PLPP1: variants seen among roughly 807,000 people sequenced by gnomAD.
The protein encoded by PLPP1 is phospholipid phosphatase 1, also known as lipid phosphate phosphohydrolase 1a.
PLPP1 carries 24 observed loss-of-function variants against 31.2 expected under a neutral mutation model. The observed-to-expected ratio is 0.77, with a 90% CI of 0.56 to 1.08. The LOEUF (loss-of-function observed/expected upper bound fraction) is 1.08. PLPP1 is among the 50% of genes least tolerant of loss of function. The pLI is 0.00. For missense variants in PLPP1, 319 were observed against 342.7 expected (o/e 0.93, Z 0.55); for synonymous variants, 146 against 126.3 (o/e 1.16, Z -1.05).
rs907646702 is a variant in PLPP1 at position 55,425,974 on chromosome 5, A to T, written c.615T>A (p.Gly205=). The T allele has an allele frequency of 6.2e-6, 10 of 1,613,874 alleles. No individual in the cohort carries two copies. The highest frequency in any genetic ancestry group is 5.0e-5 in the Admixed American group (3 of 59,966). The change falls in exon 5 of 6, where the codon GGT becomes GGA. Residue 205 remains glycine, a synonymous_variant. Transcript: ENST00000307259. The stretch of plus-strand genomic sequence containing the variant: ...CCACATAAATGGATACGGCAACAAG[A>T]CCAAATTGCAGTGTGGGGCGTAAGA... ...ARLLRPTLQF[G]LVAVSIYVGL...
At chr5:55,427,007 ATGTC>A (rs1435360804) in intron 4 of PLPP1, among the ~76,000 whole-genome samples, 1 of 151,984 alleles carries the variant, frequency 6.6e-6, no homozygotes, top group Non-Finnish European at 1.5e-5. Flanking sequence ...CCCCTTTCTC[ATGTC>A]AGTCTGCCTT....
intron 1 of PLPP1, among the ~76,000 whole-genome samples, chr5:55,513,855 G>A: frequency 6.6e-6 from 1 of 151,996 alleles, no homozygotes; most frequent in East Asian, 1.9e-4. Flanking sequence ...AAACATAGGA[G>A]GTCAAGGCTA....
At chr5:55,487,174 G>C (rs1252000343) in intron 1 of PLPP1, among the ~76,000 whole-genome samples, 2 of 152,062 alleles carry the variant, frequency 1.3e-5, no homozygotes, top group Admixed American at 1.3e-4. Context: ...TTTCTATCCT[G>C]AAACTACAAA....
intron 1 of PLPP1, among the ~76,000 whole-genome samples, chr5:55,492,308 G>A (rs1173040842): frequency 6.6e-6 from 1 of 152,112 alleles, no homozygotes; most frequent in African/African-American, 2.4e-5. Context: ...CAAATCCCAA[G>A]GTAGATTTTT....
intron 1 of PLPP1, among the ~76,000 whole-genome samples, chr5:55,498,752 G>A (rs1561247740): frequency 6.6e-6 from 1 of 150,668 alleles, no homozygotes; most frequent in Non-Finnish European, 1.5e-5. Flanking sequence ...CGCTAGGGAA[G>A]CACTTACAAT....
chr5:55,450,055 ATATACTCCTTGAAT>A (rs1316214847), intron 3 of PLPP1, among the ~76,000 whole-genome samples: 1 of 152,198 alleles, frequency 6.6e-6, no homozygotes, highest in Non-Finnish European at 1.5e-5. Flanking sequence ...AAATCCTGTC[ATATACTCCTTGAAT>A]TATTTTTACA....
chr5:55,444,831 C>T (rs144593152), intron 3 of PLPP1, among the ~76,000 whole-genome samples: 1 of 150,278 alleles, frequency 6.7e-6, no homozygotes, highest in Non-Finnish European at 1.5e-5. Context: ...CTCACTGCCA[C>T]CTCTGCCTCC....
At chr5:55,430,304 T>C (rs1751317115) in intron 4 of PLPP1, among the ~76,000 whole-genome samples, 1 of 152,140 alleles carries the variant, frequency 6.6e-6, no homozygotes, top group Non-Finnish European at 1.5e-5. Flanking sequence ...CTGGACCCTC[T>C]AACATCAGTG....
rs116809539 is a variant in PLPP1 at position 55,434,287 on chromosome 5, A to C, written c.549+7564T>G. The stretch of plus-strand genomic sequence containing the variant: ...TGGTGAATGAAAATGCAGAAGACAG[A>C]AACAGGTGGAAAGATATCCCACGCA... On this transcript the variant is annotated intron_variant, in intron 4 of 5. Coordinates refer to ENST00000307259, the MANE Select transcript of PLPP1 (RefSeq NM_003711.4). 9.1e-3 allele frequency among the ~76,000 whole-genome samples: 1,389 copies of C among 152,264 alleles called. 11 individuals carry two copies. Among genetic ancestry groups the C allele is most frequent in the Middle Eastern group, 0.044 (13 of 294 alleles).
chr5:55,466,173 C>T (rs535785381), intron 3 of PLPP1, among the ~76,000 whole-genome samples: 1 of 152,284 alleles, frequency 6.6e-6, no homozygotes, highest in African/African-American at 2.4e-5. Flanking sequence ...ATCAGTCCTC[C>T]TCACCACCTC....
chr5:55,425,407 A>T, intron 5 of PLPP1, 73 bp from the exon 6 acceptor site: 1 of 1,339,196 alleles, frequency 7.5e-7, no homozygotes, highest in Non-Finnish European at 1.0e-6. Context: ...GATCAACAGC[A>T]TCCTAAGATA....
chr5:55,444,898 C>T (rs917605441), intron 3 of PLPP1, among the ~76,000 whole-genome samples: 2 of 151,894 alleles, frequency 1.3e-5, no homozygotes, highest in African/African-American at 2.4e-5. Flanking sequence ...TACAGGTGCG[C>T]ACCACCACGC....
chr5:55,464,200 A>G (rs551727392), intron 3 of PLPP1, among the ~76,000 whole-genome samples: 6 of 151,222 alleles, frequency 4.0e-5, no homozygotes, highest in South Asian at 2.1e-4. Flanking sequence ...ATAAAAGTAT[A>G]TATTACTGTA....
At chr5:55,530,212 C>G in intron 1 of PLPP1, 1 of 1,380,678 alleles carries the variant, frequency 7.2e-7, no homozygotes, top group Non-Finnish European at 1.0e-6. Context: ...GTTTCTTCAT[C>G]TAGCTGAAGA....
intron 1 of PLPP1, among the ~76,000 whole-genome samples, chr5:55,492,733 T>C (rs1024182660): frequency 2.6e-5 from 4 of 152,232 alleles, no homozygotes; most frequent in East Asian, 1.9e-4. Context: ...TTAGGCCACA[T>C]AGATTAACTC....
intron 1 of PLPP1, 134 bp from the exon 2 acceptor site, chr5:55,475,584 A>T (rs999400519): frequency 1.1e-5 from 9 of 785,848 alleles, no homozygotes; most frequent in African/African-American, 1.8e-5. Context: ...GTAAAAAAGG[A>T]AATGCAGCAA....
chr5:55,461,513 T>C (rs1752153620), intron 3 of PLPP1, among the ~76,000 whole-genome samples: 1 of 151,444 alleles, frequency 6.6e-6, no homozygotes, highest in South Asian at 2.1e-4. Flanking sequence ...AGAAAAACAA[T>C]ATAGCCATCT....
At chr5:55,430,135 T>TCAC (rs879258373) in intron 4 of PLPP1, among the ~76,000 whole-genome samples, 50 of 152,052 alleles carry the variant, frequency 3.3e-4, no homozygotes, top group Non-Finnish European at 6.0e-4. Context: ...CCCATCACGG[T>TCAC]CACCACCACC....
At chr5:55,529,909 T>G (rs1740604466) in intron 1 of PLPP1, among the ~76,000 whole-genome samples, 1 of 152,206 alleles carries the variant, frequency 6.6e-6, no homozygotes, top group South Asian at 2.1e-4. Context: ...ACAACAGGGA[T>G]TCTCTTTCAC....
Sources: allele counts gnomAD v4.1 joint callset (sites outside exome capture counted in the v4.1 genomes callset), GRCh38; gene constraint gnomAD v4.1.1; transcripts MANE v1.5; gene names NCBI Gene and HGNC (gene_info 2026-07-23, HGNC 2026-07-21).